Variants in RAB11FIP1 observed in about 807,000 individuals in gnomAD.
RAB11FIP1 encodes the protein RAB11 family interacting protein 1.
A neutral mutation model predicts 83.1 loss-of-function variants in RAB11FIP1; 49 were observed. The ratio of observed to expected loss-of-function variants is 0.59; its 90% confidence interval spans 0.47 to 0.75. RAB11FIP1 has a LOEUF of 0.75. Ranked by LOEUF, RAB11FIP1 falls within the 30% of genes least tolerant of loss-of-function variation. The pLI, the probability that RAB11FIP1 is intolerant of heterozygous loss-of-function variation, is 0.00. For synonymous variants in RAB11FIP1, 670 were observed against 656.0 expected (o/e 1.02, Z -0.33); for missense variants, 1,536 against 1,598.7 (o/e 0.96, Z 0.67).
In RAB11FIP1 at chr8:37,870,627, C is replaced by T. The variant is rs7834126; in HGVS notation, c.3525-99G>A. 1.1e-3 allele frequency: 703 copies of T among 637,954 alleles called. 2 individuals carry two copies. In the African/African-American group the frequency reaches 0.012, roughly 11 times the overall value. The allele number at this position is 637,954 out of a possible 1,614,324, so 39.5% of individuals were successfully genotyped here. On this transcript the variant is annotated intron_variant, in intron 4 of 5. Transcript: ENST00000330843. ...GGCAGCCAGTAAGCCAGACAAGGGG[C>T]AGGTGGGTCACATGCTGCCCTCATC...
chr8:37,872,206 A>G lies in RAB11FIP1; in HGVS notation c.2596T>C (p.Ser866Pro). The change falls in exon 4 of 6, where the codon TCG (serine) becomes CCG (proline). Residue 866 changes from serine to proline, a missense_variant. Transcript: ENST00000330843. ...SPHAEDSERE[S>P]VTTPGPATCG... ...GTCGCTGGCCCAGGTGTGGTCACCGATTCCCTTTCTGAGTCCTCTGCGTGG... is the reference window on the plus strand; with the variant it reads ...GTCGCTGGCCCAGGTGTGGTCACCGGTTCCCTTTCTGAGTCCTCTGCGTGG... 4 of 1,613,976 alleles carry G rather than the reference A, an allele frequency of 2.5e-6. No individual in the cohort carries two copies. Among genetic ancestry groups the G allele is most frequent in the Non-Finnish European group, 3.4e-6 (4 of 1,179,988 alleles).
rs776879016 is a variant in RAB11FIP1 at position 37,899,400 on chromosome 8, C to T, written c.42G>A (p.Val14=). 3.1e-6 allele frequency: 5 copies of T among 1,593,800 alleles called. No homozygotes were observed. The highest frequency in any genetic ancestry group is 4.3e-6 in the Non-Finnish European group (5 of 1,171,656). Residue 14 remains valine (V), a synonymous_variant, in exon 1 of 6, where the codon GTG becomes GTA. Coordinates refer to ENST00000330843, the MANE Select transcript of RAB11FIP1 (RefSeq NM_001002814.3). The surrounding 1 kb of genome is among the most constrained non-coding windows in gnomAD (Gnocchi z 4.5). The part of the protein sequence containing the change: ...MVSAGRGLGA[V]WSPTHVQVTV... ...TCACCTGCACGTGGGTTGGGGACCA[C>T]ACGGCCCCCAGGCCCCGGCCAGCCG... is the stretch of plus-strand genomic sequence containing the variant.
At chr8:37,883,156 T>A (rs965618244) in intron 1 of RAB11FIP1, among the ~76,000 whole-genome samples, 5 of 151,486 alleles carry the variant, frequency 3.3e-5, no homozygotes, top group Non-Finnish European at 4.4e-5. Flanking sequence ...AAGAATTGTT[T>A]CGTTTTTTTT....
In RAB11FIP1 at chr8:37,872,259, G is replaced by A. The variant is rs139234262; in HGVS notation, c.2543C>T (p.Ala848Val). 5,920 of 1,613,922 alleles carry A rather than the reference G, an allele frequency of 3.7e-3. 11 individuals are homozygous for A. Among genetic ancestry groups the A allele is most frequent in the Non-Finnish European group, 4.4e-3 (5,180 of 1,179,896 alleles). The change falls in exon 4 of 6, where the codon GCG (alanine) becomes GTG (valine). Residue 848 changes from alanine to valine, a missense_variant. Physicochemically the swap from Ala to Val is moderately conservative, Grantham distance 64. Coordinates refer to ENST00000330843, the MANE Select transcript of RAB11FIP1 (RefSeq NM_001002814.3). ...AGACTCAGGAGGCTCTCCGTCAGACGCGTTTCCAGCAACAGACCATGCAGG... is the reference window on the plus strand; with the variant it reads ...AGACTCAGGAGGCTCTCCGTCAGACACGTTTCCAGCAACAGACCATGCAGG... ...LNPAWSVAGN[A>V]SDGEPPESPH...
intron 5 of RAB11FIP1, among the ~76,000 whole-genome samples, chr8:37,865,325 T>C (rs1806321659): frequency 6.6e-6 from 1 of 150,862 alleles, no homozygotes; most frequent in African/African-American, 2.4e-5. Flanking sequence ...CTTTTTTTTT[T>C]TTTTCTTTTT....
chr8:37,887,271 C>T (rs1265049306), intron 1 of RAB11FIP1, among the ~76,000 whole-genome samples: 3 of 152,184 alleles, frequency 2.0e-5, no homozygotes, highest in Non-Finnish European at 4.4e-5. Flanking sequence ...AGGCTCACGC[C>T]TGTAATCCCA....
chr8:37,887,542 A>T (rs985568428), intron 1 of RAB11FIP1, among the ~76,000 whole-genome samples: 3 of 152,064 alleles, frequency 2.0e-5, no homozygotes, highest in Admixed American at 2.0e-4. Context: ...AAAAAAAAAA[A>T]AAAAAAGTAA....
At chr8:37,889,206 T>C (rs761639825) in intron 1 of RAB11FIP1, among the ~76,000 whole-genome samples, 2 of 152,106 alleles carry the variant, frequency 1.3e-5, no homozygotes, top group Non-Finnish European at 2.9e-5. Context: ...CTCTCAGAAA[T>C]AGGCCAAGAT....
intron 2 of RAB11FIP1, among the ~76,000 whole-genome samples, chr8:37,875,830 T>A (rs1364409010): frequency 4.0e-5 from 6 of 151,724 alleles, no homozygotes; most frequent in Admixed American, 3.3e-4. Context: ...AAAAAAAACT[T>A]GGAAGACACT....
Position 37,875,279 on chromosome 8 carries a change from C to A in RAB11FIP1, c.858G>T (p.Leu286=). ...TGGGAAGGGTAAAGTTGACCTGGTT[C>A]AGTTGCTTAAGATCCGTACTCGCTG... The part of the protein sequence containing the change: ...KRTASTDLKQ[L]NQVNFTLPKK... Residue 286 remains leucine (L), a synonymous_variant, in exon 3 of 6, where the codon CTG becomes CTT. Coordinates refer to ENST00000330843, the MANE Select transcript of RAB11FIP1 (RefSeq NM_001002814.3). 1 of 1,613,688 alleles carries A rather than the reference C, an allele frequency of 6.2e-7. No individual in the cohort carries two copies. The highest frequency in any genetic ancestry group is 8.5e-7 in the Non-Finnish European group (1 of 1,179,904).
intron 5 of RAB11FIP1, among the ~76,000 whole-genome samples, chr8:37,869,273 T>C (rs966542006): frequency 6.7e-6 from 1 of 150,194 alleles, no homozygotes; most frequent in Non-Finnish European, 1.5e-5. Context: ...ATGTCCTTAC[T>C]GTTAGGAGTA....
chr8:37,871,950 A>G lies in RAB11FIP1; in HGVS notation c.2852T>C (p.Ile951Thr). Residue 951 changes from isoleucine to threonine, a missense_variant, in exon 4 of 6, where the codon ATC becomes ACC. Physicochemically the swap from Ile to Thr is moderately conservative, Grantham distance 89 (BLOSUM62 -1). Transcript: ENST00000330843. ...AAGGCTTAAGTTCAGATCGGCCATG[A>G]TTGGAGATTTAAAATCTGAGACCAA... ...LQLVSDFKSP[I>T]MADLNLSLPS... 2 of 1,614,174 alleles carry G rather than the reference A, an allele frequency of 1.2e-6. No homozygotes were observed. The highest frequency in any genetic ancestry group is 1.7e-6 in the Non-Finnish European group (2 of 1,180,026).
At chr8:37,890,221 T>C (rs1359277434) in intron 1 of RAB11FIP1, among the ~76,000 whole-genome samples, 1 of 152,242 alleles carries the variant, frequency 6.6e-6, no homozygotes, top group Non-Finnish European at 1.5e-5. Context: ...CGACTGCTAC[T>C]GTATTTCACA....
intron 5 of RAB11FIP1, among the ~76,000 whole-genome samples, chr8:37,870,025 G>A (rs1806417756): frequency 6.6e-6 from 1 of 152,148 alleles, no homozygotes. Context: ...GACTGGGTGT[G>A]GTGGTTCACG....
chr8:37,899,329 G>A lies in RAB11FIP1; in HGVS notation c.113C>T (p.Thr38Met), dbSNP rs139267069. ...RGLRAKGPGG[T>M]SDAYAVIQVG... is the part of the protein sequence containing the mutation. ...CTGGATCACCGCGTACGCGTCGCTC[G>A]TGCCCCCGGGGCCCTTGGCCCGCAG... Residue 38 changes from threonine to methionine, a missense_variant, in exon 1 of 6, where the codon ACG becomes ATG. Thr to Met is a moderately conservative substitution (Grantham distance 81). Transcript: ENST00000330843. The surrounding 1 kb of genome is among the most constrained non-coding windows in gnomAD (Gnocchi z 4.5). 2 of 1,609,208 alleles carry A rather than the reference G, an allele frequency of 1.2e-6. No individual in the cohort carries two copies. The highest frequency in any genetic ancestry group is 1.7e-4 in the Middle Eastern group (1 of 6,046).
Position 37,872,809 on chromosome 8 carries a change from T to C in RAB11FIP1, c.1993A>G (p.Lys665Glu). 3 of 1,614,240 alleles carry C rather than the reference T, an allele frequency of 1.9e-6. No individual in the cohort carries two copies. Among genetic ancestry groups the C allele is most frequent in the Non-Finnish European group, 2.5e-6 (3 of 1,180,040 alleles). ...LFKQPSFPANKGTEDSLMGRT... is the reference protein window; with the variant it reads ...LFKQPSFPANEGTEDSLMGRT... ...CCCATCAGAGAATCTTCTGTCCCTT[T>C]ATTTGCTGGAAAGGATGGCTGTTTG... is the stretch of plus-strand genomic sequence containing the variant. Residue 665 changes from lysine (K) to glutamate (E), a missense_variant, in exon 4 of 6, where the codon AAA (lysine) becomes GAA (glutamate). Transcript: ENST00000330843.
Position 37,899,353 on chromosome 8 carries a change from A to ATT in RAB11FIP1, c.88_89insAA (p.Leu30GlnfsTer16), listed in dbSNP as rs1807171036. On this transcript the variant is annotated frameshift_variant, in exon 1 of 6. Transcript: ENST00000330843. LOFTEE classifies it high-confidence loss of function. This position sits in a 1 kb window ranked among gnomAD's most constrained non-coding sequence, Gnocchi z 4.5. ...CGTGCCCCCGGGGCCCTTGGCCCGC[A>ATT]GGCCCCGCGCCTGCAGCACCGTCAC... The ATT allele has an allele frequency of 6.2e-7, 1 of 1,606,498 alleles. No individual in the cohort carries two copies. Among genetic ancestry groups the ATT allele is most frequent in the African/African-American group, 1.4e-5 (1 of 73,804 alleles).
chr8:37,871,516 G>C lies in RAB11FIP1; in HGVS notation c.3286C>G (p.Pro1096Ala). Residue 1096 changes from proline to alanine, a missense_variant, in exon 4 of 6, where the codon CCC becomes GCC. By Grantham distance (27) the Pro-to-Ala change is conservative. Transcript: ENST00000330843. ...PPGTSLDNPV[P>A]SPSPSEIFPV... is the part of the protein sequence containing the mutation. ...AAGATCTCAGAAGGGGAGGGGCTGG[G>C]TACAGGATTGTCCAGGGATGTGCCA... 6.2e-7 allele frequency: 1 copy of C among 1,611,080 alleles called. No homozygotes were observed. The highest frequency in any genetic ancestry group is 1.1e-5 in the South Asian group (1 of 90,590).
intron 5 of RAB11FIP1, among the ~76,000 whole-genome samples, chr8:37,869,458 G>A (rs1806404800): frequency 6.6e-6 from 1 of 151,962 alleles, no homozygotes; most frequent in African/African-American, 2.4e-5. Flanking sequence ...CGGGCATGGT[G>A]GCGCGCACCT....
Sources: allele counts gnomAD v4.1 joint callset (sites outside exome capture counted in the v4.1 genomes callset), GRCh38; gene constraint gnomAD v4.1.1; non-coding constraint Gnocchi (gnomAD v3.1); transcripts MANE v1.5; gene names NCBI Gene and HGNC (gene_info 2026-07-23, HGNC 2026-07-21).